KCNJ1: variants seen among roughly 807,000 people sequenced by gnomAD.
KCNJ1 encodes the protein potassium inwardly rectifying channel subfamily J member 1.
Under a neutral mutation model 21.9 loss-of-function variants are expected in KCNJ1, and 24 were observed. That is an observed-to-expected ratio of 1.10 (90% CI 0.79 to 1.54). KCNJ1 has a LOEUF of 1.54. Ranked by LOEUF, KCNJ1 falls within the 40% of genes most tolerant of loss-of-function variation. The pLI is 0.00. For missense variants in KCNJ1, 457 were observed against 455.4 expected, an observed-to-expected ratio of 1.00 and a Z score of -0.03; for synonymous variants, 152 against 160.9, an observed-to-expected ratio of 0.94 and a Z score of 0.42.
chr11:128,856,845 T>G (rs984346676), intron 1 of KCNJ1, among the ~76,000 whole-genome samples: 1 of 152,010 alleles, frequency 6.6e-6, no homozygotes, highest in African/African-American at 2.4e-5. Flanking sequence ...CCACCATAAT[T>G]CCTTGGTTGG....
At position 128,865,678 on chromosome 11, in the gene KCNJ1, G is replaced by A. The variant is rs1591425926; in HGVS notation, c.-192+1495C>T. On this transcript the variant is annotated intron_variant, in intron 1 of 2. Coordinates refer to ENST00000392666, the MANE Select transcript of KCNJ1 (RefSeq NM_153766.3). ...ATGGAAACCCTGGAGCAAGTAAAAG[G>A]CAAAGCATGTGAGTCACAGCTGAAT... 7.9e-5 allele frequency among the ~76,000 whole-genome samples: 12 copies of A among 152,192 alleles called. No individual in the cohort carries two copies. In the South Asian group the frequency reaches 2.5e-3, roughly 32 times the overall value.
intron 2 of KCNJ1, among the ~76,000 whole-genome samples, chr11:128,843,915 T>A (rs1378127760): frequency 6.6e-6 from 1 of 152,204 alleles, no homozygotes; most frequent in Admixed American, 6.5e-5. Context: ...GGTGCAAATG[T>A]GTCAATAATC....
intron 2 of KCNJ1, chr11:128,842,404 C>T: frequency 6.2e-7 from 1 of 1,613,832 alleles, no homozygotes; most frequent in African/African-American, 1.3e-5. Context: ...CACATTCCGA[C>T]TGGAAGCATT....
chr11:128,848,003 G>A (rs1054652295), intron 2 of KCNJ1, among the ~76,000 whole-genome samples: 2 of 151,876 alleles, frequency 1.3e-5, no homozygotes, highest in African/African-American at 2.4e-5. Context: ...AAGTACCTGA[G>A]ACCAGCTGGG....
chr11:128,853,128 C>A (rs568298188), intron 1 of KCNJ1, among the ~76,000 whole-genome samples: 1 of 152,362 alleles, frequency 6.6e-6, no homozygotes, highest in African/African-American at 2.4e-5. Context: ...CTGAGCTGCA[C>A]TTTTCCATAC....
intron 1 of KCNJ1, among the ~76,000 whole-genome samples, chr11:128,855,519 G>A (rs1943572300): frequency 6.6e-6 from 1 of 152,214 alleles, no homozygotes; most frequent in Non-Finnish European, 1.5e-5. Context: ...GGCAGCAAAT[G>A]AGGTTGGCAA....
Sources: gnomAD v4.1 joint callset for allele counts (sites outside exome capture counted in the v4.1 genomes callset) on GRCh38, gnomAD v4.1.1 for gene constraint, MANE v1.5 for transcripts, NCBI Gene and HGNC (gene_info 2026-07-23, HGNC 2026-07-21) for gene names.